Variants in KCNMA1 observed in about 807,000 individuals in gnomAD.
KCNMA1 encodes the protein potassium calcium-activated channel subfamily M alpha 1, also known as Calcium-activated potassium channel subunit alpha-1.
A neutral mutation model predicts 140.0 loss-of-function variants in KCNMA1; 29 were observed. That is an observed-to-expected ratio of 0.21 (90% CI 0.15 to 0.28). The LOEUF is 0.28. KCNMA1 is among the 10% of genes least tolerant of loss of function. KCNMA1 has a pLI of 1.00. For synonymous variants in KCNMA1, 612 were observed against 611.9 expected (o/e 1.00, Z 0.00); for missense variants, 880 against 1,602.2 (o/e 0.55, Z 7.70).
chr10:77,357,418 G>T (rs779789875), intron 2 of KCNMA1, among the ~76,000 whole-genome samples: 14 of 152,214 alleles, frequency 9.2e-5, no homozygotes, highest in Non-Finnish European at 1.8e-4. Flanking sequence ...GAGAGTATCT[G>T]CCAGCCTCTG....
intron 2 of KCNMA1, among the ~76,000 whole-genome samples, chr10:77,281,584 C>G (rs981464146): frequency 5.3e-5 from 8 of 152,136 alleles, no homozygotes; most frequent in African/African-American, 1.9e-4. Context: ...CCACTGAGAT[C>G]CAATACGATT....
At chr10:76,962,669 G>A (rs942521056) in intron 20 of KCNMA1, among the ~76,000 whole-genome samples, 5 of 152,100 alleles carry the variant, frequency 3.3e-5, no homozygotes, top group South Asian at 2.1e-4. Context: ...ATGCTCCTTC[G>A]GCAATAATAA....
chr10:77,483,038 AC>A (rs2098419299), intron 1 of KCNMA1, among the ~76,000 whole-genome samples: 1 of 114,086 alleles, frequency 8.8e-6, no homozygotes, highest in African/African-American at 3.4e-5. Flanking sequence ...ACACACACAC[AC>A]ACCCCTTGTT....
At chr10:77,388,573 T>C (rs1177039535) in intron 2 of KCNMA1, among the ~76,000 whole-genome samples, 3 of 152,250 alleles carry the variant, frequency 2.0e-5, no homozygotes, top group African/African-American at 7.2e-5. Context: ...GTCTGTTTAA[T>C]GTACACAAAA....
chr10:77,238,108 G>A (rs185423181), intron 3 of KCNMA1, among the ~76,000 whole-genome samples: 382 of 152,274 alleles, frequency 2.5e-3, no homozygotes, highest in Non-Finnish European at 4.6e-3. Context: ...GAATTCAGAT[G>A]AGATGAGGCC....
intron 14 of KCNMA1, among the ~76,000 whole-genome samples, chr10:77,054,525 A>T (rs1184980035): frequency 6.6e-6 from 1 of 152,150 alleles, no homozygotes; most frequent in Non-Finnish European, 1.5e-5. Flanking sequence ...CTATCTACTT[A>T]CAGGGTATGG....
intron 1 of KCNMA1, among the ~76,000 whole-genome samples, chr10:77,501,959 T>A (rs2044075483): frequency 6.6e-6 from 1 of 152,220 alleles, no homozygotes; most frequent in African/African-American, 2.4e-5. Flanking sequence ...CTGTGTGTCA[T>A]CATGATTAGA....
At chr10:77,619,398 C>T (rs926732854) in intron 1 of KCNMA1, among the ~76,000 whole-genome samples, 2 of 152,012 alleles carry the variant, frequency 1.3e-5, no homozygotes, top group Admixed American at 6.6e-5. Context: ...CCTGTAGTGG[C>T]CAACTTCCCT....
intron 1 of KCNMA1, among the ~76,000 whole-genome samples, chr10:77,578,453 A>T (rs1031236108): frequency 5.3e-5 from 8 of 152,186 alleles, no homozygotes; most frequent in African/African-American, 1.9e-4. Flanking sequence ...CTTCCAGTTA[A>T]GTCCTGTGGT....
At chr10:76,951,357 G>A (rs2066200352) in intron 21 of KCNMA1, among the ~76,000 whole-genome samples, 1 of 152,080 alleles carries the variant, frequency 6.6e-6, no homozygotes, top group African/African-American at 2.4e-5. Flanking sequence ...CTATGTATCT[G>A]GAATTCCCAT....
intron 5 of KCNMA1, among the ~76,000 whole-genome samples, chr10:77,127,904 G>A (rs956994358): frequency 5.3e-5 from 8 of 151,982 alleles, no homozygotes; most frequent in Non-Finnish European, 1.2e-4. Context: ...AACCTGGGAG[G>A]TGGAAGTTGC....
intron 2 of KCNMA1, among the ~76,000 whole-genome samples, chr10:77,291,371 A>C (rs531920902): frequency 6.6e-6 from 1 of 152,250 alleles, no homozygotes; most frequent in East Asian, 1.9e-4. Flanking sequence ...CTCATGCAAA[A>C]CTCCAGGGAT....
chr10:77,193,961 C>T (rs1027063015), intron 3 of KCNMA1, among the ~76,000 whole-genome samples: 8 of 152,120 alleles, frequency 5.3e-5, no homozygotes, highest in Non-Finnish European at 7.4e-5. Flanking sequence ...GCTTCCTATG[C>T]CTTTTTTTTC....
Position 77,634,239 on chromosome 10 carries a change from G to A in KCNMA1, c.378+3026C>T. On this transcript the variant is annotated intron_variant, in intron 1 of 27. Coordinates refer to ENST00000286628, the MANE Select transcript of KCNMA1 (RefSeq NM_001161352.2). ...GAGAGCTCTGATGAAATCCCACAAG[G>A]AAAAAAACAATAATGTGAAAAAGTA... The A allele has an allele frequency of 4.1e-6, 4 of 985,230 alleles. No individual in the cohort carries two copies. The African/African-American group carries it at 5.2e-5, about 13-fold the overall frequency. The allele number at this position is 985,230 out of a possible 1,614,324, so 61.0% of individuals were successfully genotyped here.
In KCNMA1 at chr10:77,181,761, G is replaced by A. The variant is rs576473068; in HGVS notation, c.808+1660C>T. On this transcript the variant is annotated intron_variant, in intron 5 of 27. Transcript: ENST00000286628. ...AGGAGGAATCAGGATACGATACGGA[G>A]AAAATAAGGAGGAATCAGGATACGA... Among the ~76,000 whole-genome samples the A allele has an allele frequency of 5.9e-5, 9 of 152,142 alleles. No individual in the cohort carries two copies. The South Asian group carries it at 1.9e-3, about 32-fold the overall frequency.
At chr10:76,897,762 AT>A (rs1486904667) in intron 25 of KCNMA1, among the ~76,000 whole-genome samples, 5 of 152,176 alleles carry the variant, frequency 3.3e-5, no homozygotes, top group African/African-American at 1.2e-4. Flanking sequence ...TATTAAAAAA[AT>A]GACAAAACTA....
At chr10:77,549,610 G>A (rs577586868) in intron 1 of KCNMA1, among the ~76,000 whole-genome samples, 50 of 152,252 alleles carry the variant, frequency 3.3e-4, no homozygotes, top group Non-Finnish European at 5.6e-4. Context: ...GGCAGGGTCT[G>A]TGAGCTAAGA....
At chr10:76,941,113 AGGG>A (rs1565063013) in intron 23 of KCNMA1, among the ~76,000 whole-genome samples, 1,809 of 46,036 alleles carry the variant, frequency 0.039, 83 homozygotes, top group African/African-American at 0.13. Context: ...GGAGGGAGGG[AGGG>A]AGGGAAGGGA....
At chr10:77,543,749 C>T (rs2060739304) in intron 1 of KCNMA1, among the ~76,000 whole-genome samples, 1 of 152,086 alleles carries the variant, frequency 6.6e-6, no homozygotes, top group Non-Finnish European at 1.5e-5. Flanking sequence ...TGAGACTAAA[C>T]AACTCAGGGA....
Sources: gnomAD v4.1 joint callset for allele counts (sites outside exome capture counted in the v4.1 genomes callset) on GRCh38, gnomAD v4.1.1 for gene constraint, MANE v1.5 for transcripts, NCBI Gene and HGNC (gene_info 2026-07-23, HGNC 2026-07-21) for gene names.